Variants in ZNF799 observed in about 807,000 individuals in gnomAD.
ZNF799 encodes zinc finger protein 799, also known as zinc finger protein 14.
ZNF799 carries 28 observed loss-of-function variants against 41.0 expected under a neutral mutation model. The observed-to-expected ratio is 0.68, with a 90% CI of 0.51 to 0.94. The LOEUF (loss-of-function observed/expected upper bound fraction) is 0.94. Among genes scored for constraint, ZNF799 ranks in the 40% least tolerant of loss-of-function variants. The pLI, the probability that ZNF799 is intolerant of heterozygous loss-of-function variation, is 0.00. For synonymous variants in ZNF799, 213 were observed against 252.9 expected (o/e 0.84, Z 1.50); for missense variants, 716 against 764.3 (o/e 0.94, Z 0.74).
the ZNF799 span, among the ~76,000 whole-genome samples, chr19:12,414,850 T>A: frequency 6.6e-6 from 1 of 151,986 alleles, no homozygotes; most frequent in African/African-American, 2.4e-5. Flanking sequence ...CCTGAAACAA[T>A]CTAGTGATGA....
chr19:12,392,678 C>G lies in ZNF799; in HGVS notation c.131-15G>C. The G allele has an allele frequency of 1.3e-6, 2 of 1,580,684 alleles. No homozygotes were observed. Among genetic ancestry groups the G allele is most frequent in the Non-Finnish European group, 1.7e-6 (2 of 1,158,574 alleles). ...CCATTTCATTCCTAAAAGGTATACA[C>G]AGAAAAATCATTACAAATTTTTACA... On this transcript the variant is annotated splice_polypyrimidine_tract_variant and intron_variant, in intron 2 of 3. Transcript: ENST00000430385.
chr19:12,398,722 C>A (rs4804181), intron 1 of ZNF799, among the ~76,000 whole-genome samples: 123,210 of 152,048 alleles, frequency 0.81, 50,753 homozygotes, highest in African/African-American at 0.96. Flanking sequence ...TTGTTAAATC[C>A]TTTTAATTCA....
rs1568500627 is a variant in ZNF799, at chr19:12,391,052, T to C, written c.1346A>G (p.Tyr449Cys). ...AAAGGCTTTCCCACATTTGCATTTATAGGGTTTCTCTCCAGTATGAGTTGT... is the reference window on the plus strand; with the variant it reads ...AAAGGCTTTCCCACATTTGCATTTACAGGGTTTCTCTCCAGTATGAGTTGT... ...HETTHTGEKP[Y>C]KCKCGKAFID... Residue 449 changes from tyrosine to cysteine, a missense_variant, in exon 4 of 4, where the codon TAT becomes TGT. Tyr to Cys is a radical substitution (Grantham distance 194). Coordinates refer to ENST00000430385, the MANE Select transcript of ZNF799 (RefSeq NM_001080821.3). 1.9e-6 allele frequency: 3 copies of C among 1,614,188 alleles called. No homozygotes were observed. The highest frequency in any genetic ancestry group is 2.5e-6 in the Non-Finnish European group (3 of 1,180,008).
the ZNF799 span, among the ~76,000 whole-genome samples, chr19:12,411,880 T>C: frequency 6.6e-6 from 1 of 152,142 alleles, no homozygotes; most frequent in South Asian, 2.1e-4. Context: ...CCCAAAGTGC[T>C]AAGATTACAG....
At chr19:12,409,495 A>C in the ZNF799 span, among the ~76,000 whole-genome samples, 1 of 152,234 alleles carries the variant, frequency 6.6e-6, no homozygotes, top group Admixed American at 6.5e-5. Flanking sequence ...TCAATTGAGT[A>C]GAAAAATCAC....
At chr19:12,413,819 T>A in the ZNF799 span, among the ~76,000 whole-genome samples, 1 of 152,066 alleles carries the variant, frequency 6.6e-6, no homozygotes, top group Non-Finnish European at 1.5e-5. Flanking sequence ...ATGGTGGACT[T>A]CAGACTCTGC....
the ZNF799 span, among the ~76,000 whole-genome samples, chr19:12,406,907 AT>A: frequency 6.6e-6 from 1 of 152,162 alleles, no homozygotes; most frequent in Non-Finnish European, 1.5e-5. Context: ...CTCAAAAAAA[AT>A]AAAATTAAAT....
rs532074376 is a variant in ZNF799 at position 12,392,279 on chromosome 19, T to C, written c.192-73A>G. ...TGTATAGGTATTAATAAGTATTGGA[T>C]GTACATTTTTAACACTATCATGCAA... On this transcript the variant is annotated intron_variant, in intron 3 of 3. Coordinates refer to ENST00000430385, the MANE Select transcript of ZNF799 (RefSeq NM_001080821.3). 46 of 1,504,136 alleles carry C rather than the reference T, an allele frequency of 3.1e-5. No homozygotes were observed. In the African/African-American group the frequency reaches 5.5e-4, roughly 18 times the overall value. 93.2% of individuals were successfully genotyped at this position (1,504,136 alleles called of 1,614,324 possible).
At chr19:12,400,001 G>A (rs1217403419) in intron 1 of ZNF799, among the ~76,000 whole-genome samples, 1 of 152,146 alleles carries the variant, frequency 6.6e-6, no homozygotes, top group Non-Finnish European at 1.5e-5. Context: ...CTGAAAACAA[G>A]ATGACAAACT....
the ZNF799 span, among the ~76,000 whole-genome samples, chr19:12,408,368 A>G: frequency 2.6e-5 from 4 of 152,232 alleles, no homozygotes; most frequent in Non-Finnish European, 4.4e-5. Context: ...GAAAAAACAG[A>G]CAAACATAAC....
rs1385162376 is a variant in ZNF799 at position 12,390,533 on chromosome 19, C to A, written c.1865G>T (p.Gly622Val). 3 of 1,611,748 alleles carry A rather than the reference C, an allele frequency of 1.9e-6. No individual in the cohort carries two copies. Among genetic ancestry groups the A allele is most frequent in the Admixed American group, 1.7e-5 (1 of 59,852 alleles). The change falls in exon 4 of 4, where the codon GGA becomes GTA. Residue 622 changes from glycine to valine, a missense_variant. Physicochemically the swap from Gly to Val is moderately radical, Grantham distance 109. Transcript: ENST00000430385. Reference protein sequence around the residue: ...KKTHTGENPYGCKECGKAFAS... With the variant: ...KKTHTGENPYVCKECGKAFAS... ...AAATGCTTTCCCACATTCCTTACATCCATACGGGTTCTCTCCAGTGTGAGT... is the reference window on the plus strand; with the variant it reads ...AAATGCTTTCCCACATTCCTTACATACATACGGGTTCTCTCCAGTGTGAGT...
At chr19:12,406,462 C>T in the ZNF799 span, among the ~76,000 whole-genome samples, 2 of 144,006 alleles carry the variant, frequency 1.4e-5, no homozygotes, top group Non-Finnish European at 3.0e-5. Flanking sequence ...CCAGCCTGGG[C>T]AACAGAGTGA....
chr19:12,394,938 G>A lies in ZNF799; in HGVS notation c.4-1515C>T, dbSNP rs975608464. ...ATATAAAGAAAAATGAAAACTGGTAGAAAAGTCTTGTGGAGCTTTTATTTG... is the reference window on the plus strand; with the variant it reads ...ATATAAAGAAAAATGAAAACTGGTAAAAAAGTCTTGTGGAGCTTTTATTTG... On this transcript the variant is annotated intron_variant, in intron 1 of 3. Coordinates refer to ENST00000430385, the MANE Select transcript of ZNF799 (RefSeq NM_001080821.3). 80 of 940,074 alleles carry A rather than the reference G, an allele frequency of 8.5e-5. 1 individual carries two copies. The highest frequency in any genetic ancestry group is 1.2e-4 in the Admixed American group (2 of 16,206). 58.2% of individuals were successfully genotyped at this position (940,074 alleles called of 1,614,324 possible).
intron 1 of ZNF799, chr19:12,394,344 A>T: frequency 6.4e-6 from 1 of 156,714 alleles, no homozygotes; most frequent in Non-Finnish European, 1.4e-5. Context: ...AAAATTAAAT[A>T]CTGTTTCTTA....
chr19:12,401,199 A>C lies in ZNF799; in HGVS notation c.-129T>G. The C allele has an allele frequency of 3.8e-6, 6 of 1,561,126 alleles. No individual in the cohort carries two copies. Among genetic ancestry groups the C allele is most frequent in the South Asian group, 1.2e-5 (1 of 85,800 alleles). On this transcript the variant is annotated 5_prime_UTR_variant, in exon 1 of 4. Coordinates refer to ENST00000430385, the MANE Select transcript of ZNF799 (RefSeq NM_001080821.3). ...CTACAGAGCCGAGCACCGAGCGCCC[A>C]GCGCAGGTGGGTGGAGAAGACGCCG...
the ZNF799 span, among the ~76,000 whole-genome samples, chr19:12,413,964 C>T: frequency 1.3e-5 from 2 of 152,226 alleles, no homozygotes; most frequent in African/African-American, 2.4e-5. Context: ...CGCACCATTT[C>T]CTGGCTTCCA....
Position 12,401,270 on chromosome 19 carries a change from A to G in ZNF799, c.-200T>C. On this transcript the variant is annotated 5_prime_UTR_variant, in exon 1 of 4. Coordinates refer to ENST00000430385, the MANE Select transcript of ZNF799 (RefSeq NM_001080821.3). Reference sequence around the variant, plus strand: ...CTCCTCTGGGAAGCGCGCCTGATTGACAGTTCCCACGAACCCGCCCCACGG... The same window carrying G: ...CTCCTCTGGGAAGCGCGCCTGATTGGCAGTTCCCACGAACCCGCCCCACGG... The G allele has an allele frequency of 7.3e-7, 1 of 1,371,288 alleles. No homozygotes were observed. The highest frequency in any genetic ancestry group is 9.6e-7 in the Non-Finnish European group (1 of 1,038,052). The allele number at this position is 1,371,288 out of a possible 1,614,324, so 84.9% of individuals were successfully genotyped here.
At chr19:12,394,641 T>C (rs1969869063) in intron 1 of ZNF799, 1 of 985,252 alleles carries the variant, frequency 1.0e-6, no homozygotes, top group African/African-American at 1.7e-5. Context: ...TTTAAACATT[T>C]TGAGTAACGC....
chr19:12,409,143 T>C, the ZNF799 span, among the ~76,000 whole-genome samples: 4 of 152,292 alleles, frequency 2.6e-5, no homozygotes, highest in South Asian at 8.3e-4. Context: ...GGGGAATGGT[T>C]TCTGATGAAA....
Sources: allele counts gnomAD v4.1 joint callset (sites outside exome capture counted in the v4.1 genomes callset), GRCh38; gene constraint gnomAD v4.1.1; transcripts MANE v1.5; gene names NCBI Gene and HGNC (gene_info 2026-07-23, HGNC 2026-07-21).